NPAS3: variants seen among roughly 807,000 people sequenced by gnomAD.
NPAS3 encodes the protein neuronal PAS domain-containing protein 3.
NPAS3 carries 14 observed loss-of-function variants against 73.1 expected under a neutral mutation model. The observed-to-expected ratio is 0.19, with a 90% CI of 0.13 to 0.30. The LOEUF is 0.30. Ranked by LOEUF, NPAS3 falls within the 10% of genes least tolerant of loss-of-function variation. The probability of loss-of-function intolerance (pLI) is 1.00; values close to 1 mark genes in which losing one functional copy is unlikely to be tolerated. For synonymous variants in NPAS3, 620 were observed against 541.5 expected, an observed-to-expected ratio of 1.14 and a Z score of -2.01; for missense variants, 1,096 against 1,250.0, an observed-to-expected ratio of 0.88 and a Z score of 1.86.
chr14:33,635,463 G>A (rs892986509), intron 5 of NPAS3, among the ~76,000 whole-genome samples: 1 of 152,156 alleles, frequency 6.6e-6, no homozygotes, highest in Non-Finnish European at 1.5e-5. Context: ...GTATCATTTC[G>A]AGATGTAAAA....
intron 4 of NPAS3, among the ~76,000 whole-genome samples, chr14:33,416,068 T>C (rs1162467851): frequency 1.3e-5 from 2 of 152,096 alleles, no homozygotes; most frequent in Admixed American, 6.6e-5. Context: ...CAGGAAAACC[T>C]CCTCTTATTT....
At chr14:33,475,210 G>C (rs2050966961) in intron 4 of NPAS3, among the ~76,000 whole-genome samples, 1 of 152,176 alleles carries the variant, frequency 6.6e-6, no homozygotes, top group Admixed American at 6.5e-5. Flanking sequence ...GAAGGCCTCA[G>C]ATTGAATTCT....
chr14:33,522,244 T>C (rs1194047845), intron 4 of NPAS3, among the ~76,000 whole-genome samples: 2 of 152,218 alleles, frequency 1.3e-5, no homozygotes, highest in Admixed American at 1.3e-4. Flanking sequence ...TTTCAGGGGA[T>C]GAAATATCAT....
At chr14:33,493,239 C>T (rs960048341) in intron 4 of NPAS3, among the ~76,000 whole-genome samples, 2 of 151,310 alleles carry the variant, frequency 1.3e-5, no homozygotes, top group Non-Finnish European at 2.9e-5. Flanking sequence ...CTCTCTCACA[C>T]ATTGATAAAA....
intron 3 of NPAS3, among the ~76,000 whole-genome samples, chr14:33,229,833 A>T (rs774705716): frequency 5.3e-5 from 8 of 152,244 alleles, no homozygotes; most frequent in Non-Finnish European, 7.3e-5. Context: ...GTCTTTGCAG[A>T]TGTGCATTTA....
chr14:33,245,638 G>A (rs2048348774), intron 3 of NPAS3, among the ~76,000 whole-genome samples: 2 of 152,250 alleles, frequency 1.3e-5, no homozygotes, highest in Non-Finnish European at 2.9e-5. Flanking sequence ...TATCCACCCT[G>A]TTATTCACAA....
intron 6 of NPAS3, among the ~76,000 whole-genome samples, chr14:33,689,129 C>T (rs1008553508): frequency 2.0e-5 from 3 of 152,170 alleles, no homozygotes; most frequent in East Asian, 1.9e-4. Context: ...AGACAGCCCA[C>T]GTTGTGTTCA....
intron 6 of NPAS3, among the ~76,000 whole-genome samples, chr14:33,731,673 T>C (rs561214880): frequency 3.3e-5 from 5 of 152,166 alleles, no homozygotes; most frequent in Non-Finnish European, 7.4e-5. Flanking sequence ...CATGAACAGA[T>C]GTGGAGTAAT....
At chr14:33,685,674 G>T (rs1272254287) in intron 6 of NPAS3, among the ~76,000 whole-genome samples, 2 of 152,146 alleles carry the variant, frequency 1.3e-5, no homozygotes, top group Non-Finnish European at 2.9e-5. Context: ...TGGTACTGAT[G>T]CTTTTAGCTT....
chr14:33,129,849 G>A (rs1234617482), intron 2 of NPAS3, among the ~76,000 whole-genome samples: 4 of 152,018 alleles, frequency 2.6e-5, no homozygotes, highest in African/African-American at 9.7e-5. Flanking sequence ...GAGAATTTGC[G>A]ATAATTTTCA....
intron 2 of NPAS3, among the ~76,000 whole-genome samples, chr14:33,144,838 C>T (rs1327177581): frequency 6.6e-6 from 1 of 152,208 alleles, no homozygotes; most frequent in African/African-American, 2.4e-5. Flanking sequence ...AAATGATCCT[C>T]CTATCTTGGC....
intron 4 of NPAS3, among the ~76,000 whole-genome samples, chr14:33,398,407 TAA>T (rs57064212): frequency 1.8e-4 from 25 of 142,824 alleles, no homozygotes; most frequent in African/African-American, 1.5e-4. Flanking sequence ...TATTTTCCTT[TAA>T]AAAAAAAAAA....
intron 1 of NPAS3, among the ~76,000 whole-genome samples, chr14:33,037,193 G>A (rs61974884): frequency 0.074 from 11,287 of 152,194 alleles, 523 homozygotes; most frequent in Non-Finnish European, 0.1. Flanking sequence ...TTTAAAAAAT[G>A]TTAATATATT....
intron 4 of NPAS3, among the ~76,000 whole-genome samples, chr14:33,417,535 T>C (rs1242535075): frequency 6.6e-6 from 1 of 152,054 alleles, no homozygotes; most frequent in Non-Finnish European, 1.5e-5. Context: ...ATTGAAGTGT[T>C]AGAAGAAAGA....
chr14:33,416,587 C>A (rs1594869277), intron 4 of NPAS3, among the ~76,000 whole-genome samples: 1 of 151,884 alleles, frequency 6.6e-6, no homozygotes, highest in South Asian at 2.1e-4. Flanking sequence ...ATTTTTCCAG[C>A]AGTATTGAAT....
chr14:33,275,123 A>G lies in NPAS3; in HGVS notation c.385+59697A>G, dbSNP rs1315814145. 2.6e-5 allele frequency among the ~76,000 whole-genome samples: 4 copies of G among 152,226 alleles called. No homozygotes were observed. In the East Asian group the frequency reaches 7.7e-4, roughly 29 times the overall value. Reference sequence around the variant, plus strand: ...GAGAAAATAAGAATCCAGATAATAAAGTATAGCTACAAAAGGGAGCCCACT... The same window carrying G: ...GAGAAAATAAGAATCCAGATAATAAGGTATAGCTACAAAAGGGAGCCCACT... On this transcript the variant is annotated intron_variant, in intron 3 of 11. Coordinates refer to ENST00000356141, the Ensembl canonical transcript of NPAS3.
chr14:33,529,858 G>T (rs2053963415), intron 4 of NPAS3, among the ~76,000 whole-genome samples: 2 of 152,052 alleles, frequency 1.3e-5, no homozygotes, highest in Non-Finnish European at 2.9e-5. Context: ...TGATTCCATT[G>T]TCTTAGGAAT....
chr14:33,325,509 G>C (rs2043658547), intron 3 of NPAS3, among the ~76,000 whole-genome samples: 1 of 152,012 alleles, frequency 6.6e-6, no homozygotes, highest in Non-Finnish European at 1.5e-5. Context: ...AGCTGGTTGT[G>C]GTGGTGGGTG....
chr14:32,938,486 T>TGAGAGAGAGAGAGAGAGAGAGAGAGA (rs369330767), upstream of NPAS3, among the ~76,000 whole-genome samples: 12 of 55,924 alleles, frequency 2.1e-4, no homozygotes, highest in South Asian at 6.0e-4. Context: ...AGAGAGAAAT[T>TGAGAGAGAGAGAGAGAGAGAGAGAGA]GAGAGAGAGA....
Sources: gnomAD v4.1 joint callset for allele counts (sites outside exome capture counted in the v4.1 genomes callset) on GRCh38, gnomAD v4.1.1 for gene constraint, MANE v1.5 for transcripts, NCBI Gene and HGNC (gene_info 2026-07-23, HGNC 2026-07-21) for gene names.